The following BRCA1 variants were observed in gnomAD, a reference collection of about 807,000 sequenced individuals.
BRCA1 encodes BRCA1 DNA repair associated, also known as breast cancer type 1 susceptibility protein.
Under a neutral mutation model 173.7 loss-of-function variants are expected in BRCA1, and 140 were observed. That is an observed-to-expected ratio of 0.81 (90% CI 0.70 to 0.93). BRCA1 has a LOEUF of 0.93. BRCA1 is among the 40% of genes least tolerant of loss of function. BRCA1 has a pLI of 0.00. For synonymous variants in BRCA1, 662 were observed against 756.0 expected, an observed-to-expected ratio of 0.88 and a Z score of 2.04; for missense variants, 1,983 against 2,172.5, an observed-to-expected ratio of 0.91 and a Z score of 1.73.
chr17:43,069,793 C>T (rs1478982131), intron 15 of BRCA1, among the ~76,000 whole-genome samples: 1 of 152,074 alleles, frequency 6.6e-6, no homozygotes, highest in Non-Finnish European at 1.5e-5. Context: ...GATGAAAAAT[C>T]CTAGGAAGGA....
chr17:43,055,290 A>AT (rs891689971), intron 19 of BRCA1, among the ~76,000 whole-genome samples: 17 of 152,026 alleles, frequency 1.1e-4, no homozygotes, highest in African/African-American at 3.9e-4. Flanking sequence ...AGAATGCTCC[A>AT]TTTTTTTTCC....
chr17:43,093,704 A>G lies in BRCA1; in HGVS notation c.1827T>C (p.Asn609=), dbSNP rs757657445. Residue 609 remains asparagine, a synonymous_variant, in exon 10 of 23, where the codon AAT becomes AAC. Coordinates refer to ENST00000357654, the MANE Select transcript of BRCA1 (RefSeq NM_007294.4). ...TGGTAGAAGACTTCCTCCTCAGCCT[A>G]TTCTTTTTAGGTGCTTTTGAATTGT... ...NIHNSKAPKK[N]RLRRKSSTRH... is the part of the protein sequence containing the mutation. The G allele has an allele frequency of 3.7e-6, 6 of 1,613,896 alleles. No individual in the cohort carries two copies. The African/African-American group carries it at 6.7e-5, about 18-fold the overall frequency.
intron 4 of BRCA1, among the ~76,000 whole-genome samples, chr17:43,105,390 C>T (rs1020330963): frequency 1.3e-5 from 2 of 152,098 alleles, no homozygotes; most frequent in Non-Finnish European, 2.9e-5. Context: ...TGGGCATATG[C>T]CACCATGTAC....
Position 43,092,213 on chromosome 17 carries a change from A to T in BRCA1, c.3318T>A (p.Pro1106=), listed in dbSNP as rs2053609439. The T allele has an allele frequency of 6.2e-7, 1 of 1,613,362 alleles. No homozygotes were observed. The highest frequency in any genetic ancestry group is 8.5e-7 in the Non-Finnish European group (1 of 1,179,960). ...CTTCATATTCTTGCTTTTTTATTTC[A>T]GGATGCTTACAATTACTTCCAGGAA... The part of the protein sequence containing the change: ...QSLPGSNCKH[P]EIKKQEYEEV... Residue 1106 remains proline, a synonymous_variant, in exon 10 of 23, where the codon CCT becomes CCA. Coordinates refer to ENST00000357654, the MANE Select transcript of BRCA1 (RefSeq NM_007294.4).
chr17:43,075,602 G>A (rs572963929), intron 13 of BRCA1, among the ~76,000 whole-genome samples: 80 of 150,948 alleles, frequency 5.3e-4, no homozygotes, highest in African/African-American at 1.8e-3. Flanking sequence ...TTGCTCTGTC[G>A]CCCAGGCTGG....
intron 16 of BRCA1, chr17:43,067,255 G>GTTT (rs34267863): frequency 3.2e-4 from 56 of 172,746 alleles, no homozygotes; most frequent in South Asian, 1.0e-3. Context: ...ATTTTTTCAC[G>GTTT]TTTTTTTTTT....
At chr17:43,046,154 C>G (rs1331832194) in intron 22 of BRCA1, among the ~76,000 whole-genome samples, 1 of 150,996 alleles carries the variant, frequency 6.6e-6, no homozygotes, top group Non-Finnish European at 1.5e-5. Context: ...AACTCCTGAC[C>G]TCAGGTGATC....
At chr17:43,119,849 A>C (rs369865630) in intron 2 of BRCA1, among the ~76,000 whole-genome samples, 36 of 152,234 alleles carry the variant, frequency 2.4e-4, no homozygotes, top group Non-Finnish European at 4.8e-4. Context: ...TTATAATCTA[A>C]ACTATATAAA....
rs786202665 is a variant in BRCA1 at position 43,092,527 on chromosome 17, T to C, written c.3004A>G (p.Asn1002Asp). The C allele has an allele frequency of 3.1e-6, 5 of 1,614,100 alleles. No homozygotes were observed. Among genetic ancestry groups the C allele is most frequent in the Non-Finnish European group, 4.2e-6 (5 of 1,179,996 alleles). The change falls in exon 10 of 23, where the codon AAC (asparagine) becomes GAC (aspartate). Residue 1002 changes from asparagine to aspartate, a missense_variant. Physicochemically the swap from Asn to Asp is conservative, Grantham distance 23. Coordinates refer to ENST00000357654, the MANE Select transcript of BRCA1 (RefSeq NM_007294.4). The part of the protein sequence containing the change: ...TKCKKNLLEE[N>D]FEEHSMSPER... ...GGTGACATTGAATGTTCCTCAAAGT[T>C]TTCCTCTAGCAGATTTTTCTTACAT...
chr17:43,084,013 T>C (rs1166101568), intron 11 of BRCA1, among the ~76,000 whole-genome samples: 1 of 151,114 alleles, frequency 6.6e-6, no homozygotes, highest in African/African-American at 2.4e-5. Context: ...TACAGGCACC[T>C]GTTACCATGC....
At chr17:43,128,955 G>A (rs1356783259), upstream of BRCA1, among the ~76,000 whole-genome samples, 1 of 151,952 alleles carries the variant, frequency 6.6e-6, no homozygotes, top group African/African-American at 2.4e-5. Flanking sequence ...ACCACTCCCG[G>A]CCTCAGCTTG....
intron 14 of BRCA1, among the ~76,000 whole-genome samples, chr17:43,073,072 C>G (rs1003057668): frequency 6.6e-6 from 1 of 151,162 alleles, no homozygotes; most frequent in Non-Finnish European, 1.5e-5. Flanking sequence ...TGGCTCACAC[C>G]TATAATCCCA....
At chr17:43,054,995 C>T (rs1032375938) in intron 19 of BRCA1, among the ~76,000 whole-genome samples, 1 of 152,150 alleles carries the variant, frequency 6.6e-6, no homozygotes, top group Non-Finnish European at 1.5e-5. Context: ...GGTGATCCAC[C>T]CGCCTTGGGC....
At chr17:43,068,617 C>T (rs955299038) in intron 15 of BRCA1, among the ~76,000 whole-genome samples, 2 of 151,782 alleles carry the variant, frequency 1.3e-5, no homozygotes, top group East Asian at 1.9e-4. Flanking sequence ...AGATATCATT[C>T]GATTCCCTAA....
At chr17:43,149,095 T>A (rs550922644) in intron 1 of BRCA1, among the ~76,000 whole-genome samples, 1 of 151,058 alleles carries the variant, frequency 6.6e-6, no homozygotes, top group Non-Finnish European at 1.5e-5. Flanking sequence ...CCCAATTAAC[T>A]TTTTTACTTT....
chr17:43,111,064 G>A (rs1009045559), intron 3 of BRCA1, among the ~76,000 whole-genome samples: 3 of 147,038 alleles, frequency 2.0e-5, no homozygotes, highest in African/African-American at 7.5e-5. Context: ...TTGTACCACT[G>A]CACTCCAGCC....
intron 1 of BRCA1, chr17:43,138,518 C>T (rs921259277): frequency 6.5e-5 from 42 of 644,778 alleles, no homozygotes; most frequent in Non-Finnish European, 9.3e-5. Flanking sequence ...AAGCCTCGGA[C>T]ACCCAAACAC....
At chr17:43,138,728 G>A (rs149738180) in intron 1 of BRCA1, 3 of 779,256 alleles carry the variant, frequency 3.8e-6, no homozygotes, top group South Asian at 1.3e-5. Context: ...AGGTAGTCAC[G>A]TGGAATTTGG....
At chr17:43,120,885 T>C (rs1264092337) in intron 2 of BRCA1, among the ~76,000 whole-genome samples, 3 of 151,232 alleles carry the variant, frequency 2.0e-5, no homozygotes, top group Admixed American at 6.6e-5. Flanking sequence ...ACCAACGTGA[T>C]GAAACCCTAT....
Sources: gnomAD v4.1 joint callset for allele counts (sites outside exome capture counted in the v4.1 genomes callset) on GRCh38, gnomAD v4.1.1 for gene constraint, MANE v1.5 for transcripts, NCBI Gene and HGNC (gene_info 2026-07-23, HGNC 2026-07-21) for gene names.